METTL22: variants seen among roughly 807,000 people sequenced by gnomAD.
METTL22 encodes methyltransferase 22, Kin17 lysine.
Under a neutral mutation model 48.4 loss-of-function variants are expected in METTL22, and 51 were observed. The observed-to-expected ratio is 1.05, with a 90% CI of 0.84 to 1.33. The LOEUF (loss-of-function observed/expected upper bound fraction) is 1.33, where lower values mean the gene tolerates loss of function less well. Among genes scored for constraint, METTL22 ranks in the 40% most tolerant of loss-of-function variants. METTL22 has a pLI of 0.00. For missense variants in METTL22, 678 were observed against 526.9 expected, an observed-to-expected ratio of 1.29 and a Z score of -2.81; for synonymous variants, 255 against 214.1, an observed-to-expected ratio of 1.19 and a Z score of -1.67.
At chr16:8,640,371 C>A (rs995697082) in intron 6 of METTL22, among the ~76,000 whole-genome samples, 1 of 152,000 alleles carries the variant, frequency 6.6e-6, no homozygotes, top group African/African-American at 2.4e-5. Context: ...GTTAACCTGC[C>A]AGTCTCTCCT....
intron 2 of METTL22, among the ~76,000 whole-genome samples, chr16:8,626,345 T>A (rs1428065607): frequency 1.3e-5 from 2 of 152,114 alleles, no homozygotes; most frequent in East Asian, 3.8e-4. Flanking sequence ...GACCCAGGAC[T>A]TGATGCTGGG....
At chr16:8,640,946 G>GGC (rs1332913099) in intron 6 of METTL22, among the ~76,000 whole-genome samples, 185 bp from the exon 7 acceptor site, 2 of 35,282 alleles carry the variant, frequency 5.7e-5, no homozygotes, top group African/African-American at 2.1e-4. Flanking sequence ...GGATGGATGG[G>GGC]TGGGTGGATG....
chr16:8,631,397 G>C (rs146801108), intron 3 of METTL22: 1 of 152,310 alleles, frequency 6.6e-6, no homozygotes, highest in East Asian at 1.9e-4. Flanking sequence ...AACTCAGGCC[G>C]TCAGATTCTG....
chr16:8,645,890 G>A (rs2141820565), intron 10 of METTL22: 1 of 925,016 alleles, frequency 1.1e-6, no homozygotes, highest in East Asian at 1.1e-4. Flanking sequence ...CGTTAATGCT[G>A]GGACTTCATC....
At chr16:8,660,390 G>T in the METTL22 span, among the ~76,000 whole-genome samples, 1 of 151,984 alleles carries the variant, frequency 6.6e-6, no homozygotes, top group Non-Finnish European at 1.5e-5. Context: ...TGTTGGCCAG[G>T]CTGGTCTCGA....
At chr16:8,628,430 C>G (rs1200277279) in intron 2 of METTL22, among the ~76,000 whole-genome samples, 5 of 152,042 alleles carry the variant, frequency 3.3e-5, no homozygotes. Context: ...GTTTCTGGGT[C>G]TGTAAGATGA....
downstream of METTL22, among the ~76,000 whole-genome samples, chr16:8,652,213 C>T (rs2056909279): frequency 1.3e-5 from 2 of 151,980 alleles, no homozygotes; most frequent in Admixed American, 1.3e-4. Flanking sequence ...TATCCCAGCA[C>T]TTTGGGAGGC....
At chr16:8,634,119 A>C (rs761894424) in intron 3 of METTL22, among the ~76,000 whole-genome samples, 1 of 152,228 alleles carries the variant, frequency 6.6e-6, no homozygotes, top group Non-Finnish European at 1.5e-5. Flanking sequence ...CTGGTGGACA[A>C]CCCATTAGTC....
At chr16:8,633,475 A>G (rs1231469274) in intron 3 of METTL22, among the ~76,000 whole-genome samples, 1 of 152,174 alleles carries the variant, frequency 6.6e-6, no homozygotes, top group African/African-American at 2.4e-5. Flanking sequence ...GCATGGAGGC[A>G]TGCACCTGTA....
At position 8,642,110 on chromosome 16, in the gene METTL22, C is replaced by T; in HGVS notation, c.827-17C>T. 6.3e-7 allele frequency: 1 copy of T among 1,599,284 alleles called. No homozygotes were observed. The stretch of plus-strand genomic sequence containing the variant: ...GAGAAGGCAATGGGCACAAAGTGTG[C>T]TTTTGTTCTTTCTTAGATCCCAAGG... On this transcript the variant is annotated splice_polypyrimidine_tract_variant and intron_variant, in intron 7 of 10. Coordinates refer to ENST00000381920, the MANE Select transcript of METTL22 (RefSeq NM_024109.4).
intron 7 of METTL22, chr16:8,641,835 A>G: frequency 1.9e-6 from 1 of 529,386 alleles, no homozygotes; most frequent in Non-Finnish European, 3.4e-6. Context: ...GAAGGGGGAG[A>G]TCATGTCCTG....
chr16:8,650,312 A>G (rs866947563), downstream of METTL22, among the ~76,000 whole-genome samples: 35 of 152,294 alleles, frequency 2.3e-4, no homozygotes, highest in African/African-American at 7.7e-4. Context: ...AGCCTTACAG[A>G]CAGAGACGCT....
chr16:8,623,731 T>C (rs1015844450), intron 1 of METTL22: 3 of 152,232 alleles, frequency 2.0e-5, no homozygotes, highest in Non-Finnish European at 2.9e-5. Flanking sequence ...ATCATCTTTT[T>C]CTTAAAAATT....
chr16:8,643,586 G>T (rs2056690034), intron 9 of METTL22, among the ~76,000 whole-genome samples: 2 of 152,186 alleles, frequency 1.3e-5, no homozygotes, highest in South Asian at 2.1e-4. Flanking sequence ...AGTGGCTGAA[G>T]CTGGTAATGG....
At chr16:8,622,493 C>T (rs1337271448) in intron 1 of METTL22, among the ~76,000 whole-genome samples, 1 of 152,144 alleles carries the variant, frequency 6.6e-6, no homozygotes, top group Non-Finnish European at 1.5e-5. Context: ...CATCTGCAAC[C>T]TGGGTCTCCT....
At chr16:8,666,430 C>G in the METTL22 span, among the ~76,000 whole-genome samples, 5 of 152,206 alleles carry the variant, frequency 3.3e-5, no homozygotes, top group African/African-American at 1.2e-4. Flanking sequence ...AAATCTTTGT[C>G]TCAGAATCTA....
the METTL22 span, chr16:8,666,714 C>G: frequency 3.3e-5 from 5 of 151,964 alleles, no homozygotes; most frequent in African/African-American, 1.2e-4. Flanking sequence ...CTCTCTTTAA[C>G]TCCAGAGTTT....
chr16:8,661,506 C>T, the METTL22 span, among the ~76,000 whole-genome samples: 1 of 141,514 alleles, frequency 7.1e-6, no homozygotes, highest in Non-Finnish European at 1.5e-5. Flanking sequence ...ATTAGCCGGG[C>T]GTGGTGGCGG....
chr16:8,639,054 T>C (rs770302804), intron 5 of METTL22, 37 bp from the exon 6 acceptor site: 1 of 1,607,416 alleles, frequency 6.2e-7, no homozygotes, highest in East Asian at 2.2e-5. Flanking sequence ...AGTGTCGTAG[T>C]GGCTGGCACT....
Sources: gnomAD v4.1 joint callset for allele counts (sites outside exome capture counted in the v4.1 genomes callset) on GRCh38, gnomAD v4.1.1 for gene constraint, MANE v1.5 for transcripts, NCBI Gene and HGNC (gene_info 2026-07-23, HGNC 2026-07-21) for gene names.